Variants in ANKIB1 observed in about 807,000 individuals in gnomAD.
ANKIB1 encodes the protein ankyrin repeat and IBR domain-containing protein 1.
ANKIB1 carries 43 observed loss-of-function variants against 122.1 expected under a neutral mutation model. That is an observed-to-expected ratio of 0.35 (90% CI 0.28 to 0.45). The LOEUF is 0.45. ANKIB1 is among the 20% of genes least tolerant of loss of function. The pLI, the probability that ANKIB1 is intolerant of heterozygous loss-of-function variation, is 1.00. For synonymous variants in ANKIB1, 390 were observed against 442.0 expected, an observed-to-expected ratio of 0.88 and a Z score of 1.48; for missense variants, 992 against 1,329.5, an observed-to-expected ratio of 0.75 and a Z score of 3.95.
In ANKIB1 at chr7:92,396,398, A is replaced by G. The variant is rs1804890936; in HGVS notation, c.2317A>G (p.Arg773Gly). The G allele has an allele frequency of 6.3e-7, 1 of 1,596,572 alleles. No homozygotes were observed. Among genetic ancestry groups the G allele is most frequent in the Non-Finnish European group, 8.5e-7 (1 of 1,170,648 alleles). ...TGAATTTCAGTATCGGAGGAGGCACAGACAACGTCGTCGAGGAGATGTTCA... is the reference window on the plus strand; with the variant it reads ...TGAATTTCAGTATCGGAGGAGGCACGGACAACGTCGTCGAGGAGATGTTCA... Reference protein sequence around the residue: ...YAEFQYRRRHRQRRRGDVHSL... With the variant: ...YAEFQYRRRHGQRRRGDVHSL... Residue 773 changes from arginine to glycine, a missense_variant, in exon 18 of 20, where the codon AGA becomes GGA. Arg to Gly is a moderately radical substitution (Grantham distance 125, BLOSUM62 -2). Around this residue, in one of 4 missense-constraint regions of ANKIB1, gnomAD observed 384 missense variants for 412.0 expected, o/e 0.93. Transcript: ENST00000265742.
intron 1 of ANKIB1, among the ~76,000 whole-genome samples, chr7:92,284,384 A>C (rs944650666): frequency 2.0e-5 from 3 of 152,164 alleles, no homozygotes; most frequent in African/African-American, 7.2e-5. Flanking sequence ...CTTTATTGTC[A>C]GTTGGTCAAT....
chr7:92,372,928 G>GT (rs1332072465), intron 11 of ANKIB1, among the ~76,000 whole-genome samples: 1 of 151,832 alleles, frequency 6.6e-6, no homozygotes, highest in East Asian at 1.9e-4. Flanking sequence ...AATTTAAATG[G>GT]TTAAGATTCC....
chr7:92,361,110 C>T (rs934542928), intron 9 of ANKIB1, among the ~76,000 whole-genome samples: 1 of 152,158 alleles, frequency 6.6e-6, no homozygotes, highest in African/African-American at 2.4e-5. Flanking sequence ...TTGTTCCCTC[C>T]TCCGAATAAT....
chr7:92,277,478 G>A (rs943995891), intron 1 of ANKIB1, among the ~76,000 whole-genome samples: 1 of 152,172 alleles, frequency 6.6e-6, no homozygotes, highest in African/African-American at 2.4e-5. Context: ...GCAGTCCCCA[G>A]TATGAACTCT....
chr7:92,266,501 G>GAGATCACTGGGATGGCAGAGA lies in ANKIB1; in HGVS notation c.-91+19985_-91+20005dup, dbSNP rs1399414967. On this transcript the variant is annotated intron_variant, in intron 1 of 19. Coordinates refer to ENST00000265742, the MANE Select transcript of ANKIB1 (RefSeq NM_019004.2). ...TCTACCATCCCTGGACTGAGATTCA[G>GAGATCACTGGGATGGCAGAGA]AGATCACTGGGATGGCAGAGAAGTT... is the stretch of plus-strand genomic sequence containing the variant. 2.6e-5 allele frequency among the ~76,000 whole-genome samples: 4 copies of GAGATCACTGGGATGGCAGAGA among 152,148 alleles called. No individual in the cohort carries two copies. The East Asian group carries it at 7.7e-4, about 29-fold the overall frequency.
intron 1 of ANKIB1, among the ~76,000 whole-genome samples, chr7:92,286,043 A>G (rs1018312791): frequency 4.6e-5 from 7 of 152,216 alleles, no homozygotes; most frequent in Admixed American, 3.9e-4. Flanking sequence ...CCCTTCACCT[A>G]TAACTTAAAT....
Position 92,391,151 on chromosome 7 carries a change from C to A in ANKIB1, c.2053-15C>A. 1 of 1,486,302 alleles carries A rather than the reference C, an allele frequency of 6.7e-7. No homozygotes were observed. Among genetic ancestry groups the A allele is most frequent in the Non-Finnish European group, 9.0e-7 (1 of 1,114,492 alleles). 92.1% of individuals were successfully genotyped at this position (1,486,302 alleles called of 1,614,324 possible). ...ATGAAGCCTGTGATTTTTTTTTTTT[C>A]TCTGCTTACTATAGACAGACCTAGA... On this transcript the variant is annotated splice_polypyrimidine_tract_variant and intron_variant, in intron 15 of 19. Transcript: ENST00000265742.
chr7:92,324,882 G>A (rs1219179081), intron 4 of ANKIB1, among the ~76,000 whole-genome samples: 3 of 152,172 alleles, frequency 2.0e-5, no homozygotes, highest in Non-Finnish European at 4.4e-5. Context: ...TGTTTTAGAT[G>A]CTTGGAGGAA....
chr7:92,359,237 A>G (rs754031095), intron 9 of ANKIB1, among the ~76,000 whole-genome samples: 10 of 152,014 alleles, frequency 6.6e-5, no homozygotes, highest in Non-Finnish European at 1.5e-4. Context: ...CCATCCCCCA[A>G]CAGGCCCCAG....
intron 1 of ANKIB1, among the ~76,000 whole-genome samples, chr7:92,288,421 A>T (rs1802180598): frequency 6.6e-6 from 1 of 152,242 alleles, no homozygotes; most frequent in Admixed American, 6.5e-5. Flanking sequence ...TTGTTCTCCC[A>T]GTAATCAAGA....
At chr7:92,375,471 A>G (rs1444368074) in intron 11 of ANKIB1, among the ~76,000 whole-genome samples, 1 of 152,194 alleles carries the variant, frequency 6.6e-6, no homozygotes, top group African/African-American at 2.4e-5. Flanking sequence ...CCAGGAGCCT[A>G]TTCTGTCTCA....
At chr7:92,283,537 G>C (rs940606280) in intron 1 of ANKIB1, among the ~76,000 whole-genome samples, 1 of 152,138 alleles carries the variant, frequency 6.6e-6, no homozygotes, top group African/African-American at 2.4e-5. Flanking sequence ...CATACTTCCA[G>C]TATAAGGTCT....
At chr7:92,248,779 G>A (rs1436165889) in intron 1 of ANKIB1, among the ~76,000 whole-genome samples, 3 of 151,964 alleles carry the variant, frequency 2.0e-5, no homozygotes, top group Non-Finnish European at 4.4e-5. Flanking sequence ...ACTTTTCAAA[G>A]TGACTTCCTT....
chr7:92,400,781 A>G lies in ANKIB1; in HGVS notation c.*1832A>G, dbSNP rs1041597468. 2 of 152,194 alleles carry G rather than the reference A, an allele frequency of 1.3e-5. No homozygotes were observed. The highest frequency in any genetic ancestry group is 2.9e-5 in the Non-Finnish European group (2 of 68,026). The allele number at this position is 152,194 out of a possible 1,614,324, so 9.4% of individuals were successfully genotyped here. ...ATCAGAAACATTGATATCAATCCCT[A>G]TTAAATTAGTGGGGGGAATATTAAC... is the stretch of plus-strand genomic sequence containing the variant. On this transcript the variant is annotated 3_prime_UTR_variant, in exon 20 of 20. Coordinates refer to ENST00000265742, the MANE Select transcript of ANKIB1 (RefSeq NM_019004.2).
intron 1 of ANKIB1, among the ~76,000 whole-genome samples, chr7:92,288,019 G>A (rs1435327626): frequency 1.6e-5 from 2 of 123,358 alleles, no homozygotes; most frequent in African/African-American, 6.3e-5. Flanking sequence ...CTGGGCGACA[G>A]AGCAAGACTC....
At position 92,327,731 on chromosome 7, in the gene ANKIB1, A is replaced by T. The variant is rs992120295; in HGVS notation, c.670-52A>T. On this transcript the variant is annotated intron_variant, in intron 4 of 19. Coordinates refer to ENST00000265742, the MANE Select transcript of ANKIB1 (RefSeq NM_019004.2). ...ATATATTGTTTATAGGCATTTTGAT[A>T]ACTTCCTATGAGTATAATGCCCATT... 9 of 923,896 alleles carry T rather than the reference A, an allele frequency of 9.7e-6. 1 individual carries two copies. Among genetic ancestry groups the T allele is most frequent in the East Asian group, 2.9e-5 (1 of 34,158 alleles). The allele number at this position is 923,896 out of a possible 1,614,324, so 57.2% of individuals were successfully genotyped here.
intron 4 of ANKIB1, among the ~76,000 whole-genome samples, chr7:92,322,719 A>C (rs757112426): frequency 2.4e-4 from 36 of 152,172 alleles, no homozygotes; most frequent in Non-Finnish European, 5.1e-4. Flanking sequence ...TACATATTTT[A>C]AACATTTACC....
chr7:92,269,675 G>C (rs1801742032), intron 1 of ANKIB1, among the ~76,000 whole-genome samples: 1 of 152,094 alleles, frequency 6.6e-6, no homozygotes, highest in African/African-American at 2.4e-5. Context: ...CTTCCAAGGG[G>C]TTAGCAGGCA....
chr7:92,292,616 G>A (rs1437624224), intron 1 of ANKIB1, among the ~76,000 whole-genome samples: 3 of 152,094 alleles, frequency 2.0e-5, no homozygotes, highest in Non-Finnish European at 2.9e-5. Flanking sequence ...AATAGTAGCT[G>A]TAGTATATTG....
Sources: allele counts gnomAD v4.1 joint callset (sites outside exome capture counted in the v4.1 genomes callset), GRCh38; gene constraint gnomAD v4.1.1; regional missense constraint gnomAD v4.1.1; transcripts MANE v1.5; gene names NCBI Gene and HGNC (gene_info 2026-07-23, HGNC 2026-07-21).